Variants in MGMT observed in about 807,000 individuals in gnomAD.
The protein encoded by MGMT is O-6-methylguanine-DNA methyltransferase.
A neutral mutation model predicts 15.9 loss-of-function variants in MGMT; 14 were observed. The ratio of observed to expected loss-of-function variants is 0.88; its 90% CI spans 0.58 to 1.37. The LOEUF (loss-of-function observed/expected upper bound fraction) is 1.37. MGMT is among the 40% of genes most tolerant of loss of function. The probability of loss-of-function intolerance (pLI) is 0.00; values close to 1 mark genes in which losing one functional copy is unlikely to be tolerated. For synonymous variants in MGMT, 130 were observed against 118.2 expected, an observed-to-expected ratio of 1.10 and a Z score of -0.65; for missense variants, 282 against 268.1, an observed-to-expected ratio of 1.05 and a Z score of -0.36.
At position 129,556,105 on chromosome 10, in the gene MGMT, T is replaced by C. The variant is rs1470715393; in HGVS notation, c.125+19728T>C. ...ACAGAGTCCATGTTTTTGGTGACTC[T>C]TGCCTTGGACCCTGATGGCGCTGGG... is the stretch of plus-strand genomic sequence containing the variant. On this transcript the variant is annotated intron_variant, in intron 2 of 4. Coordinates refer to ENST00000651593, the MANE Select transcript of MGMT (RefSeq NM_002412.5). This position sits in a 1 kb window ranked among gnomAD's most constrained non-coding sequence, Gnocchi z 4.3. Among the ~76,000 whole-genome samples the C allele has an allele frequency of 6.6e-6, 1 of 152,214 alleles. No individual in the cohort carries two copies. The highest frequency in any genetic ancestry group is 6.5e-5 in the Admixed American group (1 of 15,286).
At chr10:129,713,504 C>G (rs1203436833) in intron 3 of MGMT, among the ~76,000 whole-genome samples, 2 of 152,112 alleles carry the variant, frequency 1.3e-5, no homozygotes, top group Non-Finnish European at 2.9e-5. Flanking sequence ...CCGCGGGTTT[C>G]CAGGTGGCCA....
Position 129,656,653 on chromosome 10 carries a change from T to A in MGMT, c.126-51242T>A, listed in dbSNP as rs547781715. Among the ~76,000 whole-genome samples, 309 of 152,250 alleles carry A rather than the reference T, an allele frequency of 2.0e-3. 1 individual carries two copies. Among genetic ancestry groups the A allele is most frequent in the African/African-American group, 7.4e-3 (307 of 41,550 alleles). Reference sequence around the variant, plus strand: ...ATATGTAAGAAGTACATTGGTTCTGTCCAGAAAGGCAGGGACAACTCGAAG... The same window carrying A: ...ATATGTAAGAAGTACATTGGTTCTGACCAGAAAGGCAGGGACAACTCGAAG... On this transcript the variant is annotated intron_variant, in intron 2 of 4. Transcript: ENST00000651593.
At chr10:129,588,662 C>T (rs1371327153) in intron 2 of MGMT, among the ~76,000 whole-genome samples, 5 of 152,212 alleles carry the variant, frequency 3.3e-5, no homozygotes, top group Non-Finnish European at 5.9e-5. Flanking sequence ...CCTGCCTGTA[C>T]TGCGAGCCAG....
intron 2 of MGMT, among the ~76,000 whole-genome samples, chr10:129,632,260 C>T (rs1344738923): frequency 6.6e-6 from 1 of 152,234 alleles, no homozygotes; most frequent in Non-Finnish European, 1.5e-5. Flanking sequence ...TCATTTTTAA[C>T]TGTACCAAAT....
At chr10:129,563,935 T>G (rs1846310045) in intron 2 of MGMT, 1 of 152,332 alleles carries the variant, frequency 6.6e-6, no homozygotes, top group Non-Finnish European at 1.5e-5. Context: ...AGGTGAAAGC[T>G]TCACCCTTTG....
intron 1 of MGMT, among the ~76,000 whole-genome samples, chr10:129,510,028 T>G (rs73380848): frequency 0.069 from 10,459 of 152,196 alleles, 1,202 homozygotes; most frequent in African/African-American, 0.24. Context: ...ACAGTGTCCA[T>G]CTGGGGTCCT....
rs189070143 is a variant in MGMT at position 129,504,438 on chromosome 10, C to T, written c.-12-31803C>T. ...CAGAAAATTTTGTGTTTGCAGTAAACAGAATTCTAGTTTAGGGTCTTATGA... is the reference window on the plus strand; with the variant it reads ...CAGAAAATTTTGTGTTTGCAGTAAATAGAATTCTAGTTTAGGGTCTTATGA... On this transcript the variant is annotated intron_variant, in intron 1 of 4. Transcript: ENST00000651593. Among the ~76,000 whole-genome samples the T allele has an allele frequency of 3.8e-3, 572 of 152,264 alleles. 6 individuals carry two copies. The highest frequency in any genetic ancestry group is 0.033 in the Admixed American group (504 of 15,294).
rs537317037 is a variant in MGMT, at chr10:129,468,616, G to T, written c.-13+1320G>T. ...AAAAAAAATCTGGGCCAGGCACAGTGGGTCACGCCTGTAATCTCAGCACTT... is the reference window on the plus strand; with the variant it reads ...AAAAAAAATCTGGGCCAGGCACAGTTGGTCACGCCTGTAATCTCAGCACTT... On this transcript the variant is annotated intron_variant, in intron 1 of 4. Transcript: ENST00000651593. Among the ~76,000 whole-genome samples, 3 of 152,214 alleles carry T rather than the reference G, an allele frequency of 2.0e-5. No homozygotes were observed. In the South Asian group the frequency reaches 6.2e-4, roughly 32 times the overall value.
chr10:129,732,997 AAAT>A (rs1257731705), intron 3 of MGMT, among the ~76,000 whole-genome samples: 3 of 151,746 alleles, frequency 2.0e-5, no homozygotes, highest in African/African-American at 7.3e-5. Context: ...TTGCTATTGT[AAAT>A]AATGCCGCAA....
chr10:129,576,765 G>A (rs1003255274), intron 2 of MGMT, among the ~76,000 whole-genome samples: 40 of 152,186 alleles, frequency 2.6e-4, no homozygotes, highest in South Asian at 2.3e-3. Context: ...TGCAGATGAC[G>A]TGATTGTATA....
chr10:129,540,331 A>G lies in MGMT; in HGVS notation c.125+3954A>G, dbSNP rs143729440. On this transcript the variant is annotated intron_variant, in intron 2 of 4. Coordinates refer to ENST00000651593, the MANE Select transcript of MGMT (RefSeq NM_002412.5). ...AAATTCATGATGTCTATGAATAAAG[A>G]CAATAGGCTTCTTCCTTTCTGATTG... is the stretch of plus-strand genomic sequence containing the variant. Among the ~76,000 whole-genome samples the G allele has an allele frequency of 2.6e-3, 391 of 152,326 alleles. 1 individual carries two copies. Among genetic ancestry groups the G allele is most frequent in the African/African-American group, 9.0e-3 (373 of 41,580 alleles).
intron 2 of MGMT, among the ~76,000 whole-genome samples, chr10:129,581,393 G>A (rs1487859427): frequency 6.6e-6 from 1 of 152,168 alleles, no homozygotes; most frequent in Non-Finnish European, 1.5e-5. Context: ...AGTCCTTGGA[G>A]AACAGGGCCC....
At chr10:129,580,935 C>T (rs893306631) in intron 2 of MGMT, among the ~76,000 whole-genome samples, 5 of 152,210 alleles carry the variant, frequency 3.3e-5, no homozygotes, top group South Asian at 2.1e-4. Context: ...CATCCTTACA[C>T]GCCCAGATCC....
chr10:129,766,839 G>C lies in MGMT; in HGVS notation c.466G>C (p.Gly156Arg). Residue 156 changes from glycine (G) to arginine (R), a missense_variant, in exon 5 of 5, where the codon GGC (glycine) becomes CGC (arginine). Transcript: ENST00000651593. ...AGTGGTCTGCAGCAGCGGAGCCGTG[G>C]GCAACTACTCCGGAGGACTGGCCGT... is the stretch of plus-strand genomic sequence containing the variant. ...HRVVCSSGAV[G>R]NYSGGLAVKE... 6.2e-7 allele frequency: 1 copy of C among 1,613,718 alleles called. No homozygotes were observed. The highest frequency in any genetic ancestry group is 1.7e-4 in the Middle Eastern group (1 of 6,030).
chr10:129,612,610 A>G (rs1215841625), intron 2 of MGMT, among the ~76,000 whole-genome samples: 3 of 152,274 alleles, frequency 2.0e-5, no homozygotes, highest in Non-Finnish European at 2.9e-5. Context: ...GCTGGCAGTG[A>G]CCCCATATAA....
At chr10:129,705,118 G>A (rs896775501) in intron 2 of MGMT, among the ~76,000 whole-genome samples, 13 of 152,336 alleles carry the variant, frequency 8.5e-5, no homozygotes, top group Admixed American at 3.9e-4. Context: ...GTGTCACCAC[G>A]CACTGTAGAT....
rs181033690 is a variant in MGMT, at chr10:129,603,100, G to A, written c.125+66723G>A. Among the ~76,000 whole-genome samples the A allele has an allele frequency of 6.0e-3, 915 of 152,168 alleles. 5 individuals are homozygous for A. Among genetic ancestry groups the A allele is most frequent in the African/African-American group, 8.0e-3 (331 of 41,506 alleles). On this transcript the variant is annotated intron_variant, in intron 2 of 4. Transcript: ENST00000651593. ...ACTCATATAAACAAGTAATTGATGC[G>A]ACTAAAATTCTTGTCACATATTTAT...
In MGMT at chr10:129,766,784, C is replaced by T; in HGVS notation, c.415-4C>T. The T allele has an allele frequency of 6.2e-7, 1 of 1,611,088 alleles. No homozygotes were observed. The highest frequency in any genetic ancestry group is 8.5e-7 in the Non-Finnish European group (1 of 1,179,304). On this transcript the variant is annotated splice_region_variant and splice_polypyrimidine_tract_variant and intron_variant, in intron 4 of 4. Transcript: ENST00000651593. ...CTGACAGTGGCTGCCCCCCTGTCTT[C>T]CAGGTCCCCATCCTCATCCCGTGCC...
At chr10:129,708,178 GA>G (rs1273515035) in intron 3 of MGMT, 135 bp downstream of exon 3, 11 of 1,223,628 alleles carry the variant, frequency 9.0e-6, no homozygotes, top group African/African-American at 3.0e-5. Context: ...GCGTTTGGCC[GA>G]GCTGGAGGGA....
Sources: gnomAD v4.1 joint callset for allele counts (sites outside exome capture counted in the v4.1 genomes callset) on GRCh38, gnomAD v4.1.1 for gene constraint, Gnocchi (gnomAD v3.1) non-coding constraint, MANE v1.5 for transcripts, NCBI Gene and HGNC (gene_info 2026-07-23, HGNC 2026-07-21) for gene names.